Variants in TMCO5A observed in about 807,000 individuals in gnomAD.
TMCO5A encodes transmembrane and coiled-coil domains 5A.
A neutral mutation model predicts 42.3 loss-of-function variants in TMCO5A; 34 were observed. That is an observed-to-expected ratio of 0.80 (90% confidence interval 0.61 to 1.07). The LOEUF (loss-of-function observed/expected upper bound fraction) is 1.07, where lower values mean the gene tolerates loss of function less well. Among genes scored for constraint, TMCO5A ranks in the 50% least tolerant of loss-of-function variants. TMCO5A has a pLI of 0.00. For synonymous variants in TMCO5A, 131 were observed against 115.6 expected, an observed-to-expected ratio of 1.13 and a Z score of -0.86; for missense variants, 357 against 327.9, an observed-to-expected ratio of 1.09 and a Z score of -0.69.
At chr15:38,004,393 A>T in the TMCO5A span, among the ~76,000 whole-genome samples, 1 of 152,016 alleles carries the variant, frequency 6.6e-6, no homozygotes, top group Non-Finnish European at 1.5e-5. Context: ...TGGCCACCCC[A>T]TCTGGTCATG....
At chr15:38,019,190 C>A in the TMCO5A span, among the ~76,000 whole-genome samples, 2 of 152,090 alleles carry the variant, frequency 1.3e-5, no homozygotes, top group Non-Finnish European at 2.9e-5. Flanking sequence ...TCAGTAAAAT[C>A]CTTGAGTCAA....
chr15:37,990,577 C>T, the TMCO5A span, among the ~76,000 whole-genome samples: 3 of 151,970 alleles, frequency 2.0e-5, no homozygotes, highest in Non-Finnish European at 4.4e-5. Context: ...ATTTATTCTG[C>T]CAATCTCTGT....
intron 11 of TMCO5A, among the ~76,000 whole-genome samples, chr15:37,961,953 T>G (rs1890438347): frequency 6.6e-6 from 1 of 151,906 alleles, no homozygotes; most frequent in African/African-American, 2.4e-5. Flanking sequence ...GTCTTTAGGG[T>G]TTTCAAGGTA....
At chr15:37,947,441 T>A (rs1216183565) in intron 10 of TMCO5A, among the ~76,000 whole-genome samples, 1 of 152,006 alleles carries the variant, frequency 6.6e-6, no homozygotes, top group Non-Finnish European at 1.5e-5. Flanking sequence ...TGTGCCTTAG[T>A]TTAGTCATAT....
At chr15:37,940,497 C>A (rs113940358) in intron 6 of TMCO5A, among the ~76,000 whole-genome samples, 26 of 152,248 alleles carry the variant, frequency 1.7e-4, no homozygotes, top group African/African-American at 6.3e-4. Context: ...CCTTTGCCAA[C>A]CACCTACCAC....
the TMCO5A span, among the ~76,000 whole-genome samples, chr15:37,989,933 C>T: frequency 2.0e-5 from 3 of 152,090 alleles, no homozygotes; most frequent in Non-Finnish European, 2.9e-5. Context: ...CCCCACTTCT[C>T]AACACTGCCA....
chr15:37,979,509 A>G, the TMCO5A span, among the ~76,000 whole-genome samples: 1 of 152,168 alleles, frequency 6.6e-6, no homozygotes, highest in Non-Finnish European at 1.5e-5. Context: ...TGGCATCATA[A>G]AAAACTACTT....
chr15:37,983,181 C>A, the TMCO5A span, among the ~76,000 whole-genome samples: 4 of 152,242 alleles, frequency 2.6e-5, no homozygotes, highest in South Asian at 8.3e-4. Context: ...CTCACCTTTC[C>A]CCCTTATACA....
At chr15:37,936,509 G>A in intron 3 of TMCO5A, 46 bp downstream of exon 3, 1 of 1,574,312 alleles carries the variant, frequency 6.4e-7, no homozygotes, top group Non-Finnish European at 8.6e-7. Flanking sequence ...CCAAAGAAGG[G>A]GTGGAGGACC....
chr15:37,974,978 T>C, the TMCO5A span, among the ~76,000 whole-genome samples: 1 of 152,240 alleles, frequency 6.6e-6, no homozygotes, highest in Non-Finnish European at 1.5e-5. Flanking sequence ...TCTTGATGTC[T>C]ACCTTAGTTT....
the TMCO5A span, among the ~76,000 whole-genome samples, chr15:38,033,321 G>A: frequency 1.3e-5 from 2 of 152,258 alleles, no homozygotes; most frequent in Non-Finnish European, 2.9e-5. Flanking sequence ...GTTAGAACCA[G>A]CCTTTCTCAT....
the TMCO5A span, among the ~76,000 whole-genome samples, chr15:37,998,100 A>C: frequency 6.6e-6 from 1 of 152,092 alleles, no homozygotes; most frequent in Non-Finnish European, 1.5e-5. Context: ...CCACCTATTA[A>C]TCGCTTGTCA....
At chr15:38,039,601 C>T in the TMCO5A span, among the ~76,000 whole-genome samples, 1 of 152,066 alleles carries the variant, frequency 6.6e-6, no homozygotes, top group South Asian at 2.1e-4. Flanking sequence ...TAGAGTATAC[C>T]CCACAGGTAT....
intron 8 of TMCO5A, 120 bp downstream of exon 8, chr15:37,941,850 G>A: frequency 1.2e-6 from 1 of 834,440 alleles, no homozygotes; most frequent in Non-Finnish European, 2.0e-6. Context: ...GCACTACTAG[G>A]ATACTTTAAG....
chr15:38,015,055 G>T, the TMCO5A span, among the ~76,000 whole-genome samples: 4 of 151,578 alleles, frequency 2.6e-5, no homozygotes, highest in South Asian at 2.1e-4. Context: ...GATGTAGACT[G>T]CGAGGCTAGG....
At chr15:37,940,623 T>C (rs1889697787) in intron 6 of TMCO5A, among the ~76,000 whole-genome samples, 1 of 152,092 alleles carries the variant, frequency 6.6e-6, no homozygotes. Flanking sequence ...GAATGCCAGC[T>C]CTGCAAGGGT....
chr15:37,952,026 C>G (rs1190945600), downstream of TMCO5A, among the ~76,000 whole-genome samples: 1 of 152,160 alleles, frequency 6.6e-6, no homozygotes, highest in Non-Finnish European at 1.5e-5. Flanking sequence ...CCAGACCAAA[C>G]TCACCTGACA....
chr15:37,941,118 C>T (rs747187114), intron 6 of TMCO5A, 31 bp from the exon 7 acceptor site: 2 of 1,610,954 alleles, frequency 1.2e-6, no homozygotes, highest in East Asian at 4.5e-5. Context: ...TTTTACCTTG[C>T]CAAGTTAGCA....
downstream of TMCO5A, among the ~76,000 whole-genome samples, chr15:37,970,073 G>A (rs890065710): frequency 1.3e-5 from 2 of 152,144 alleles, no homozygotes; most frequent in African/African-American, 4.8e-5. Flanking sequence ...GGTTAATTCT[G>A]TTTTAAGTTC....
Sources: allele counts gnomAD v4.1 joint callset (sites outside exome capture counted in the v4.1 genomes callset), GRCh38; gene constraint gnomAD v4.1.1; transcripts MANE v1.5; gene names NCBI Gene and HGNC (gene_info 2026-07-23, HGNC 2026-07-21).